Variants in SNX9 observed in about 807,000 individuals in gnomAD.
SNX9 encodes the protein sorting nexin-9.
SNX9 carries 44 observed loss-of-function variants against 89.4 expected under a neutral mutation model. The ratio of observed to expected loss-of-function variants is 0.49; its 90% CI spans 0.39 to 0.63. The LOEUF (loss-of-function observed/expected upper bound fraction) is 0.63. SNX9 is among the 30% of genes least tolerant of loss of function. The probability of loss-of-function intolerance (pLI) is 0.00; values close to 1 mark genes in which losing one functional copy is unlikely to be tolerated. For synonymous variants in SNX9, 236 were observed against 247.8 expected (o/e 0.95, Z 0.45); for missense variants, 578 against 736.1 (o/e 0.79, Z 2.49).
At chr6:157,865,538 G>A (rs1782243915) in intron 1 of SNX9, among the ~76,000 whole-genome samples, 2 of 152,144 alleles carry the variant, frequency 1.3e-5, no homozygotes, top group Non-Finnish European at 2.9e-5. Context: ...GGGAGCTGCT[G>A]GGATGTCTTG....
chr6:157,895,383 A>T (rs1352241401), intron 4 of SNX9, among the ~76,000 whole-genome samples: 1 of 152,232 alleles, frequency 6.6e-6, no homozygotes, highest in Non-Finnish European at 1.5e-5. Context: ...CTAGTAATTT[A>T]AAAAGTTGCT....
intron 1 of SNX9, among the ~76,000 whole-genome samples, chr6:157,843,935 C>T (rs1255496231): frequency 7.1e-6 from 1 of 141,314 alleles, no homozygotes; most frequent in Non-Finnish European, 1.5e-5. Context: ...AGTGCAGTGG[C>T]ATGATCTTGG....
intron 1 of SNX9, among the ~76,000 whole-genome samples, chr6:157,860,008 C>A (rs1056299781): frequency 9.2e-5 from 14 of 152,214 alleles, no homozygotes; most frequent in Non-Finnish European, 2.1e-4. Context: ...TGGAACGTGG[C>A]CATATCCATT....
chr6:157,867,145 A>C (rs568542664), intron 1 of SNX9, among the ~76,000 whole-genome samples: 3 of 152,072 alleles, frequency 2.0e-5, no homozygotes, highest in Admixed American at 1.3e-4. Context: ...TAGAGATGGA[A>C]TCTCGCTTTG....
At chr6:157,844,338 G>T (rs1781758419) in intron 1 of SNX9, among the ~76,000 whole-genome samples, 1 of 152,136 alleles carries the variant, frequency 6.6e-6, no homozygotes, top group Non-Finnish European at 1.5e-5. Context: ...TGAGCCAGGA[G>T]TGCTGATTGG....
At chr6:157,934,036 G>A (rs2115212318) in intron 13 of SNX9, 1 of 152,350 alleles carries the variant, frequency 6.6e-6, no homozygotes, top group South Asian at 2.1e-4. Flanking sequence ...GCAGTGTGGA[G>A]TACTGTGTCC....
chr6:157,838,875 G>C lies in SNX9; in HGVS notation c.12+15429G>C, dbSNP rs141632724. On this transcript the variant is annotated intron_variant, in intron 1 of 17. Transcript: ENST00000392185. ...CACTCTTAGGAACCAGTGAACATTC[G>C]AGGCAAGTAGTCTGTGCCCAGGCTT... Among the ~76,000 whole-genome samples the C allele has an allele frequency of 7.3e-3, 1,104 of 152,244 alleles. 7 individuals carry two copies. The highest frequency in any genetic ancestry group is 0.012 in the Non-Finnish European group (849 of 68,014).
At position 157,915,643 on chromosome 6, in the gene SNX9, AT is replaced by A. The variant is rs1186392391; in HGVS notation, c.949+5619del. 1.4e-3 allele frequency among the ~76,000 whole-genome samples: 139 copies of A among 98,372 alleles called. 2 individuals are homozygous for A. Among genetic ancestry groups the A allele is most frequent in the South Asian group, 2.0e-3 (7 of 3,456 alleles). 64.5% of individuals were successfully genotyped at this position (98,372 alleles called of 152,430 possible). On this transcript the variant is annotated intron_variant, in intron 9 of 17. Coordinates refer to ENST00000392185, the MANE Select transcript of SNX9 (RefSeq NM_016224.5). ...TCTACTAAAAAAAAAAAAAAAAAAT[AT>A]ATATATATATATACACACACACACA...
intron 4 of SNX9, among the ~76,000 whole-genome samples, chr6:157,879,822 C>G (rs920080687): frequency 6.6e-6 from 1 of 152,216 alleles, no homozygotes; most frequent in Non-Finnish European, 1.5e-5. Flanking sequence ...TCTCAGATTA[C>G]TGCTTCTTTA....
chr6:157,883,642 A>G (rs1005271293), intron 4 of SNX9, among the ~76,000 whole-genome samples: 4 of 152,188 alleles, frequency 2.6e-5, no homozygotes, highest in South Asian at 2.1e-4. Flanking sequence ...ATTTGTCTCC[A>G]GGCAAACTGA....
intron 4 of SNX9, among the ~76,000 whole-genome samples, chr6:157,887,572 A>T (rs942771729): frequency 1.3e-5 from 2 of 152,064 alleles, no homozygotes; most frequent in Non-Finnish European, 2.9e-5. Flanking sequence ...CACGCAGTGA[A>T]TGGGCACTTG....
At chr6:157,899,298 T>C (rs551379550) in intron 5 of SNX9, among the ~76,000 whole-genome samples, 2 of 152,306 alleles carry the variant, frequency 1.3e-5, no homozygotes, top group South Asian at 4.2e-4. Flanking sequence ...GTTAAACAGC[T>C]GCTTTTCAAA....
chr6:157,937,180 G>C (rs945682264), intron 14 of SNX9, among the ~76,000 whole-genome samples: 7 of 152,052 alleles, frequency 4.6e-5, no homozygotes, highest in African/African-American at 1.7e-4. Context: ...ATTATTTTGG[G>C]CCACGTCAAA....
At chr6:157,846,130 A>G (rs983721869) in intron 1 of SNX9, among the ~76,000 whole-genome samples, 7 of 152,140 alleles carry the variant, frequency 4.6e-5, no homozygotes, top group African/African-American at 7.2e-5. Flanking sequence ...TGCATCCCTC[A>G]CTTGGTCACC....
intron 1 of SNX9, among the ~76,000 whole-genome samples, chr6:157,845,413 A>G (rs1188665789): frequency 6.6e-6 from 1 of 152,052 alleles, no homozygotes; most frequent in Non-Finnish European, 1.5e-5. Context: ...GCCCGGCCCC[A>G]TTTGTCTTAA....
chr6:157,869,881 GCACATGCACA>G (rs902957167), intron 2 of SNX9, among the ~76,000 whole-genome samples: 1 of 151,836 alleles, frequency 6.6e-6, no homozygotes, highest in Non-Finnish European at 1.5e-5. Context: ...CCTTATGCGT[GCACATGCACA>G]CACATGCGCA....
At chr6:157,937,368 T>C (rs1783946809) in intron 14 of SNX9, 66 bp from the exon 15 acceptor site, 2 of 1,100,052 alleles carry the variant, frequency 1.8e-6, no homozygotes, top group Non-Finnish European at 2.8e-6. Context: ...TTGGGTATAA[T>C]AGTTCTCTTT....
At chr6:157,919,210 G>A (rs759738681) in intron 9 of SNX9, among the ~76,000 whole-genome samples, 22 of 152,078 alleles carry the variant, frequency 1.4e-4, no homozygotes, top group African/African-American at 3.4e-4. Context: ...TAGTCGTACC[G>A]ATCTGGCTCC....
chr6:157,932,299 G>A, intron 13 of SNX9, 27 bp downstream of exon 13: 1 of 1,603,622 alleles, frequency 6.2e-7, no homozygotes, highest in Non-Finnish European at 8.5e-7. Context: ...TCATCCAGTG[G>A]GCCTTTAGAG....
Sources: allele counts gnomAD v4.1 joint callset (sites outside exome capture counted in the v4.1 genomes callset), GRCh38; gene constraint gnomAD v4.1.1; transcripts MANE v1.5; gene names NCBI Gene and HGNC (gene_info 2026-07-23, HGNC 2026-07-21).